The following CDH12 variants were observed in gnomAD, a reference collection of about 807,000 sequenced individuals.
The protein encoded by CDH12 is cadherin-12.
In CDH12, 41 loss-of-function variants were observed where a neutral mutation model predicts 74.1. That is an observed-to-expected ratio of 0.55 (90% CI 0.43 to 0.72). The LOEUF is 0.72. Ranked by LOEUF, CDH12 falls within the 30% of genes least tolerant of loss-of-function variation. CDH12 has a pLI of 0.00. For synonymous variants in CDH12, 399 were observed against 355.0 expected, an observed-to-expected ratio of 1.12 and a Z score of -1.39; for missense variants, 945 against 977.2, an observed-to-expected ratio of 0.97 and a Z score of 0.44.
chr5:21,772,476 C>T (rs1401385500), intron 11 of CDH12, among the ~76,000 whole-genome samples: 2 of 152,196 alleles, frequency 1.3e-5, no homozygotes, highest in South Asian at 2.1e-4. Context: ...TATGCTATTT[C>T]TGCCAACGAA....
At chr5:22,356,339 A>G (rs1172170545) in intron 3 of CDH12, among the ~76,000 whole-genome samples, 1 of 152,194 alleles carries the variant, frequency 6.6e-6, no homozygotes, top group Admixed American at 6.5e-5. Flanking sequence ...CAATGGTTTT[A>G]TTATGCAGCT....
At chr5:22,012,065 CTT>C (rs908197715) in intron 5 of CDH12, among the ~76,000 whole-genome samples, 4 of 152,082 alleles carry the variant, frequency 2.6e-5, no homozygotes, top group Admixed American at 6.5e-5. Flanking sequence ...TTTACATACT[CTT>C]ATATAATTAA....
intron 2 of CDH12, among the ~76,000 whole-genome samples, chr5:22,501,267 T>C (rs1179583363): frequency 6.6e-6 from 1 of 152,176 alleles, no homozygotes; most frequent in African/African-American, 2.4e-5. Flanking sequence ...TGATCTGATC[T>C]ATGACTATTT....
chr5:22,761,075 G>A (rs1055002423), intron 1 of CDH12, among the ~76,000 whole-genome samples: 2 of 152,124 alleles, frequency 1.3e-5, no homozygotes, highest in African/African-American at 4.8e-5. Context: ...AGTCATAACT[G>A]TTTTTTTGTC....
intron 1 of CDH12, among the ~76,000 whole-genome samples, chr5:22,725,786 A>G (rs529533059): frequency 1.3e-5 from 2 of 151,892 alleles, no homozygotes; most frequent in South Asian, 2.1e-4. Context: ...TAGTAGATGC[A>G]TATTCTTTTA....
At chr5:22,513,094 CCAT>C (rs1472032874) in intron 1 of CDH12, among the ~76,000 whole-genome samples, 4 of 152,064 alleles carry the variant, frequency 2.6e-5, no homozygotes, top group Non-Finnish European at 4.4e-5. Flanking sequence ...TTAAAAAACA[CCAT>C]GTTATAAAAG....
At chr5:22,175,334 G>GAA (rs1749270480) in intron 4 of CDH12, among the ~76,000 whole-genome samples, 1 of 151,494 alleles carries the variant, frequency 6.6e-6, no homozygotes, top group South Asian at 2.1e-4. Context: ...GTCAGATGTA[G>GAA]AAAAAATTGT....
rs558664789 is a variant in CDH12, at chr5:22,756,391, T to A, written c.-523+96667A>T. On this transcript the variant is annotated intron_variant, in intron 1 of 14. Coordinates refer to ENST00000382254, the MANE Select transcript of CDH12 (RefSeq NM_004061.5). ...AGTCAGTTTTAAAACATAAAAAATA[T>A]TTCATATAAACTTAATGGTTAATTC... Among the ~76,000 whole-genome samples, 38 of 152,256 alleles carry A rather than the reference T, an allele frequency of 2.5e-4. No homozygotes were observed. In the South Asian group the frequency reaches 7.2e-3, roughly 29 times the overall value.
intron 6 of CDH12, among the ~76,000 whole-genome samples, chr5:21,893,762 C>T (rs994462812): frequency 6.6e-6 from 1 of 152,148 alleles, no homozygotes; most frequent in Non-Finnish European, 1.5e-5. Flanking sequence ...TTCTTCTCTA[C>T]TTCTGGTTTT....
intron 9 of CDH12, among the ~76,000 whole-genome samples, chr5:21,806,687 AC>A (rs1447460979): frequency 6.6e-6 from 1 of 152,088 alleles, no homozygotes; most frequent in Non-Finnish European, 1.5e-5. Context: ...TTTTCAGCAA[AC>A]CTTTTGTGGC....
At chr5:22,015,511 C>T (rs1391083109) in intron 5 of CDH12, among the ~76,000 whole-genome samples, 7 of 152,048 alleles carry the variant, frequency 4.6e-5, no homozygotes. Flanking sequence ...TAAAATCTGC[C>T]AAAATGTGTT....
At chr5:22,518,973 G>T (rs972125161) in intron 1 of CDH12, among the ~76,000 whole-genome samples, 2 of 152,216 alleles carry the variant, frequency 1.3e-5, no homozygotes, top group African/African-American at 4.8e-5. Flanking sequence ...GACACCCCTA[G>T]CATGGGGTGA....
Position 22,265,061 on chromosome 5 carries a change from G to C in CDH12, c.-332-52418C>G, listed in dbSNP as rs537434916. ...AGCATGAAGTTTCTTAGCTACTTGAGAAAACAGCCACCAGATTTCAAGGAC... is the reference window on the plus strand; with the variant it reads ...AGCATGAAGTTTCTTAGCTACTTGACAAAACAGCCACCAGATTTCAAGGAC... On this transcript the variant is annotated intron_variant, in intron 3 of 14. Transcript: ENST00000382254. Among the ~76,000 whole-genome samples, 3 of 152,240 alleles carry C rather than the reference G, an allele frequency of 2.0e-5. No homozygotes were observed. The South Asian group carries it at 6.2e-4, about 32-fold the overall frequency.
chr5:21,945,888 C>A (rs1157292313), intron 6 of CDH12, among the ~76,000 whole-genome samples: 4 of 151,964 alleles, frequency 2.6e-5, no homozygotes, highest in Admixed American at 2.6e-4. Flanking sequence ...ATGACTTCAA[C>A]CTTCCCAAAT....
At chr5:22,661,001 A>T (rs1488746763) in intron 1 of CDH12, among the ~76,000 whole-genome samples, 1 of 152,216 alleles carries the variant, frequency 6.6e-6, no homozygotes, top group Non-Finnish European at 1.5e-5. Context: ...GAGGAATCTG[A>T]GATGGGTAAC....
intron 1 of CDH12, among the ~76,000 whole-genome samples, chr5:22,561,507 T>C (rs934690992): frequency 3.3e-5 from 5 of 151,510 alleles, no homozygotes; most frequent in African/African-American, 1.2e-4. Flanking sequence ...AAAATCTGTA[T>C]TTTTTTTTCC....
intron 1 of CDH12, among the ~76,000 whole-genome samples, chr5:22,599,883 A>G (rs931392928): frequency 6.6e-5 from 10 of 152,180 alleles, no homozygotes; most frequent in Non-Finnish European, 1.3e-4. Context: ...TTGCTCAAAG[A>G]AGAACACTTT....
intron 2 of CDH12, among the ~76,000 whole-genome samples, chr5:22,466,436 G>A (rs2126595942): frequency 6.6e-6 from 1 of 152,282 alleles, no homozygotes; most frequent in African/African-American, 2.4e-5. Context: ...AGGTGAGTAT[G>A]TATGATTGGG....
At chr5:22,791,840 C>A (rs552107304) in intron 1 of CDH12, among the ~76,000 whole-genome samples, 1 of 152,104 alleles carries the variant, frequency 6.6e-6, no homozygotes, top group Non-Finnish European at 1.5e-5. Context: ...AGGGGGAAAT[C>A]CGCCTCTGTG....
Sources: gnomAD v4.1 joint callset for allele counts (sites outside exome capture counted in the v4.1 genomes callset) on GRCh38, gnomAD v4.1.1 for gene constraint, MANE v1.5 for transcripts, NCBI Gene and HGNC (gene_info 2026-07-23, HGNC 2026-07-21) for gene names.